The following TTC28 variants were observed in gnomAD, a reference collection of about 807,000 sequenced individuals.
TTC28 encodes tetratricopeptide repeat protein 28.
Under a neutral mutation model 198.0 loss-of-function variants are expected in TTC28, and 61 were observed. That is an observed-to-expected ratio of 0.31 (90% CI 0.25 to 0.38). TTC28 has a LOEUF of 0.38. TTC28 is among the 10% of genes least tolerant of loss of function. The pLI, the probability that TTC28 is intolerant of heterozygous loss-of-function variation, is 1.00. For synonymous variants in TTC28, 1,171 were observed against 1,297.8 expected (o/e 0.90, Z 2.10); for missense variants, 2,678 against 3,164.0 (o/e 0.85, Z 3.69).
At chr22:28,225,794 C>T (rs73168125) in intron 5 of TTC28, among the ~76,000 whole-genome samples, 15,936 of 152,240 alleles carry the variant, frequency 0.1, 1,130 homozygotes, top group Non-Finnish European at 0.16. Context: ...GTCCTACCTC[C>T]TTACCCCTAT....
chr22:28,224,384 C>A (rs952871092), intron 5 of TTC28, among the ~76,000 whole-genome samples: 4 of 152,132 alleles, frequency 2.6e-5, no homozygotes, highest in African/African-American at 9.6e-5. Flanking sequence ...CTTATACAGC[C>A]CTTCTCAAGG....
intron 2 of TTC28, among the ~76,000 whole-genome samples, chr22:28,529,465 A>G (rs2049083738): frequency 6.6e-6 from 1 of 151,758 alleles, no homozygotes; most frequent in Non-Finnish European, 1.5e-5. Flanking sequence ...GCCTCTGTAG[A>G]CTCCACCTTT....
intron 2 of TTC28, among the ~76,000 whole-genome samples, chr22:28,512,878 T>G (rs984120461): frequency 4.6e-5 from 7 of 151,674 alleles, no homozygotes; most frequent in African/African-American, 1.7e-4. Context: ...TTTTTACCTA[T>G]ATAACACCTG....
At chr22:28,236,069 C>T (rs1929222326) in intron 5 of TTC28, among the ~76,000 whole-genome samples, 1 of 152,132 alleles carries the variant, frequency 6.6e-6, no homozygotes. Flanking sequence ...AGTCCCAGGT[C>T]CATCACCAAA....
chr22:28,004,575 GGGTGAA>G (rs1937857414), intron 14 of TTC28, among the ~76,000 whole-genome samples: 1 of 152,216 alleles, frequency 6.6e-6, no homozygotes, highest in Non-Finnish European at 1.5e-5. Flanking sequence ...ATACAACCCT[GGGTGAA>G]GGTCCCCAAA....
At chr22:28,422,182 G>A (rs912220268) in intron 2 of TTC28, among the ~76,000 whole-genome samples, 1 of 152,166 alleles carries the variant, frequency 6.6e-6, no homozygotes, top group Non-Finnish European at 1.5e-5. Context: ...GTTCAAAACA[G>A]TGTCCATGTT....
chr22:28,128,705 AT>A (rs1260710198), intron 6 of TTC28, among the ~76,000 whole-genome samples: 1 of 152,008 alleles, frequency 6.6e-6, no homozygotes, highest in Non-Finnish European at 1.5e-5. Context: ...TGCCCGGCTA[AT>A]TTTTATATTT....
intron 6 of TTC28, among the ~76,000 whole-genome samples, chr22:28,118,733 C>T (rs181961190): frequency 8.5e-5 from 13 of 152,178 alleles, no homozygotes; most frequent in Admixed American, 3.9e-4. Context: ...TATTGTTAAA[C>T]GACACATGAC....
rs546071170 is a variant in TTC28, at chr22:28,272,378, C to T, written c.933+23820G>A. On this transcript the variant is annotated intron_variant, in intron 5 of 22. Transcript: ENST00000397906. ...CATTATCAGTGATGCAGTGTAAAAG[C>T]CAATGGACTACAAATTGGAAGCCCT... 3.3e-5 allele frequency among the ~76,000 whole-genome samples: 5 copies of T among 152,184 alleles called. No homozygotes were observed. The South Asian group carries it at 1.0e-3, about 32-fold the overall frequency.
intron 12 of TTC28, among the ~76,000 whole-genome samples, chr22:28,081,657 T>C (rs1941367795): frequency 6.6e-6 from 1 of 152,128 alleles, no homozygotes; most frequent in Non-Finnish European, 1.5e-5. Flanking sequence ...CTTGCCCAGC[T>C]AATTTTGTAC....
chr22:28,434,993 G>A (rs1432178704), intron 2 of TTC28, among the ~76,000 whole-genome samples: 1 of 152,138 alleles, frequency 6.6e-6, no homozygotes, highest in East Asian at 1.9e-4. Context: ...ATTCATGAAT[G>A]ACCATTGGCT....
At chr22:28,351,131 G>A (rs1033851484) in intron 2 of TTC28, among the ~76,000 whole-genome samples, 5 of 151,906 alleles carry the variant, frequency 3.3e-5, no homozygotes, top group Admixed American at 6.6e-5. Context: ...GCAGTGAGCC[G>A]AGATCGTGCC....
At chr22:28,100,584 G>C (rs1484458452) in intron 9 of TTC28, among the ~76,000 whole-genome samples, 1 of 152,170 alleles carries the variant, frequency 6.6e-6, no homozygotes, top group Non-Finnish European at 1.5e-5. Flanking sequence ...ATAGGAGTCT[G>C]GATGTCCTTA....
intron 2 of TTC28, among the ~76,000 whole-genome samples, chr22:28,317,413 A>G (rs2045369559): frequency 6.6e-6 from 1 of 152,204 alleles, no homozygotes; most frequent in African/African-American, 2.4e-5. Flanking sequence ...TTTGTTTAAC[A>G]AACAATTTAC....
rs2051142071 is a variant in TTC28, at chr22:28,629,746, G to A, written c.187C>T (p.Arg63Cys). Reference protein sequence around the residue: ...LSKAEFVEKVRQSNQACHDGD... With the variant: ...LSKAEFVEKVCQSNQACHDGD... ...TCATGACAGGCCTGATTACTCTGAC[G>A]AACTTTCTCAACAAATTCAGCTTTG... The change falls in exon 2 of 23, where the codon CGT (arginine) becomes TGT (cysteine). Residue 63 changes from arginine to cysteine, a missense_variant. This residue lies in a region of TTC28 where 176 missense variants were observed against 197.9 expected (regional missense o/e 0.89). Transcript: ENST00000397906. 1.3e-6 allele frequency: 2 copies of A among 1,551,634 alleles called. No homozygotes were observed. Among genetic ancestry groups the A allele is most frequent in the Non-Finnish European group, 1.7e-6 (2 of 1,146,980 alleles).
intron 5 of TTC28, among the ~76,000 whole-genome samples, chr22:28,210,974 C>T (rs1245616412): frequency 1.3e-5 from 2 of 152,136 alleles, no homozygotes; most frequent in Non-Finnish European, 2.9e-5. Flanking sequence ...AGAGTGAGGG[C>T]CAATATTCAA....
intron 12 of TTC28, among the ~76,000 whole-genome samples, chr22:28,071,263 C>T (rs1248007289): frequency 6.6e-6 from 1 of 151,980 alleles, no homozygotes; most frequent in African/African-American, 2.4e-5. Flanking sequence ...AATCATGCTG[C>T]TATAAAGACA....
intron 12 of TTC28, among the ~76,000 whole-genome samples, chr22:28,047,628 C>T (rs572825600): frequency 2.0e-5 from 3 of 152,316 alleles, no homozygotes; most frequent in Admixed American, 2.0e-4. Context: ...GATCCCGTCT[C>T]CCTCTATCCC....
intron 2 of TTC28, among the ~76,000 whole-genome samples, chr22:28,536,580 C>T (rs1169046592): frequency 1.3e-5 from 2 of 151,852 alleles, no homozygotes; most frequent in Admixed American, 6.6e-5. Context: ...GCCGAGATTG[C>T]GCCACTGCAC....
Sources: gnomAD v4.1 joint callset for allele counts (sites outside exome capture counted in the v4.1 genomes callset) on GRCh38, gnomAD v4.1.1 for gene constraint, gnomAD v4.1.1 regional missense constraint, MANE v1.5 for transcripts, NCBI Gene and HGNC (gene_info 2026-07-23, HGNC 2026-07-21) for gene names.